The following PTPN4 variants were observed in gnomAD, a reference collection of about 807,000 sequenced individuals.
PTPN4 encodes the protein protein tyrosine phosphatase non-receptor type 4.
PTPN4 carries 49 observed loss-of-function variants against 135.5 expected under a neutral mutation model. The observed-to-expected ratio is 0.36, with a 90% confidence interval of 0.29 to 0.46. The LOEUF (loss-of-function observed/expected upper bound fraction) is 0.46. PTPN4 is among the 20% of genes least tolerant of loss of function. The pLI, the probability that PTPN4 is intolerant of heterozygous loss-of-function variation, is 1.00. For synonymous variants in PTPN4, 333 were observed against 369.9 expected (o/e 0.90, Z 1.14); for missense variants, 860 against 1,101.0 (o/e 0.78, Z 3.10).
At chr2:119,928,383 G>A (rs962687988) in intron 13 of PTPN4, among the ~76,000 whole-genome samples, 5 of 152,012 alleles carry the variant, frequency 3.3e-5, no homozygotes, top group Admixed American at 6.6e-5. Flanking sequence ...ACTATATGAG[G>A]AAATAATAGT....
chr2:119,832,759 T>C (rs1165811460), intron 2 of PTPN4, among the ~76,000 whole-genome samples: 1 of 152,142 alleles, frequency 6.6e-6, no homozygotes, highest in Non-Finnish European at 1.5e-5. Flanking sequence ...TTTACTGTGA[T>C]GCAAAATCAG....
intron 1 of PTPN4, among the ~76,000 whole-genome samples, chr2:119,807,283 C>G (rs1691490730): frequency 6.6e-6 from 1 of 152,100 alleles, no homozygotes; most frequent in African/African-American, 2.4e-5. Context: ...ATCAATGAAT[C>G]CAGAAGCTGG....
intron 2 of PTPN4, among the ~76,000 whole-genome samples, chr2:119,854,601 C>T (rs1677644813): frequency 6.6e-6 from 1 of 152,058 alleles, no homozygotes; most frequent in Non-Finnish European, 1.5e-5. Flanking sequence ...AATGGCCTGC[C>T]CATGCATGGT....
intron 22 of PTPN4, among the ~76,000 whole-genome samples, chr2:119,959,783 A>T (rs928435502): frequency 6.6e-6 from 1 of 152,190 alleles, no homozygotes; most frequent in East Asian, 1.9e-4. Context: ...TAAAGAGTGC[A>T]AATAGTCTTA....
rs182575918 is a variant in PTPN4 at position 119,898,749 on chromosome 2, A to G, written c.676-1969A>G. Among the ~76,000 whole-genome samples the G allele has an allele frequency of 2.0e-4, 31 of 152,332 alleles. No homozygotes were observed. The East Asian group carries it at 4.4e-3, about 22-fold the overall frequency. On this transcript the variant is annotated intron_variant, in intron 9 of 26. Coordinates refer to ENST00000263708, the MANE Select transcript of PTPN4 (RefSeq NM_002830.4). ...AATAACATTTGTGTCCCTGAAGGCT[A>G]TAATACTTGTTCTCTCGTTTTATCT...
intron 2 of PTPN4, among the ~76,000 whole-genome samples, chr2:119,813,797 G>A (rs1291715466): frequency 1.3e-5 from 2 of 152,052 alleles, no homozygotes; most frequent in African/African-American, 4.8e-5. Context: ...GCATCCTGTG[G>A]AGGTGTCCAT....
chr2:119,816,563 A>G (rs997494080), intron 2 of PTPN4, among the ~76,000 whole-genome samples: 30 of 152,158 alleles, frequency 2.0e-4, no homozygotes, highest in Admixed American at 2.0e-3. Context: ...AATTTCTGTT[A>G]TTACTGCATT....
At chr2:119,774,904 A>G (rs1204527791) in intron 1 of PTPN4, among the ~76,000 whole-genome samples, 1 of 151,986 alleles carries the variant, frequency 6.6e-6, no homozygotes, top group Non-Finnish European at 1.5e-5. Context: ...CTTTAATCCC[A>G]GCTACTCAGG....
chr2:119,878,813 G>A (rs1382996580), intron 5 of PTPN4, among the ~76,000 whole-genome samples: 1 of 151,556 alleles, frequency 6.6e-6, no homozygotes, highest in Non-Finnish European at 1.5e-5. Context: ...CTAAGTTGTG[G>A]CCGGGTGCAG....
intron 2 of PTPN4, among the ~76,000 whole-genome samples, chr2:119,813,201 C>A (rs1213007319): frequency 6.6e-6 from 1 of 152,050 alleles, no homozygotes; most frequent in Non-Finnish European, 1.5e-5. Flanking sequence ...CTATATATGA[C>A]CTCTTGATAT....
chr2:119,849,031 T>C (rs540754575), intron 2 of PTPN4, among the ~76,000 whole-genome samples: 63 of 152,356 alleles, frequency 4.1e-4, no homozygotes, highest in Non-Finnish European at 8.2e-4. Flanking sequence ...CAGGTATTTT[T>C]GTGAAAAACC....
At chr2:119,802,830 C>G (rs1253025808) in intron 1 of PTPN4, among the ~76,000 whole-genome samples, 1 of 151,980 alleles carries the variant, frequency 6.6e-6, no homozygotes, top group African/African-American at 2.4e-5. Context: ...CCCAGGAAAC[C>G]CTCTGTGTTT....
At chr2:119,772,431 T>C (rs1406089494) in intron 1 of PTPN4, among the ~76,000 whole-genome samples, 2 of 152,270 alleles carry the variant, frequency 1.3e-5, no homozygotes, top group Non-Finnish European at 1.5e-5. Context: ...CCCAAAAGTT[T>C]TGTTAACTAA....
chr2:119,780,645 G>A (rs542380315), intron 1 of PTPN4, among the ~76,000 whole-genome samples: 1 of 152,284 alleles, frequency 6.6e-6, no homozygotes, highest in East Asian at 1.9e-4. Flanking sequence ...TTTTTGGCAA[G>A]AACACTATAT....
chr2:119,843,541 G>A (rs1677416488), intron 2 of PTPN4, among the ~76,000 whole-genome samples: 1 of 117,582 alleles, frequency 8.5e-6, no homozygotes, highest in African/African-American at 3.5e-5. Flanking sequence ...GGGCAGAGGG[G>A]CTCCTCACTT....
chr2:119,765,470 G>A (rs1438107572), intron 1 of PTPN4, among the ~76,000 whole-genome samples: 2 of 152,100 alleles, frequency 1.3e-5, no homozygotes, highest in Non-Finnish European at 2.9e-5. Context: ...GGTTGTTCTT[G>A]TTTTGGGAAG....
In PTPN4 at chr2:119,772,787, C is replaced by T. The variant is rs541607291; in HGVS notation, c.-18+12403C>T. 3.9e-5 allele frequency among the ~76,000 whole-genome samples: 6 copies of T among 152,316 alleles called. No homozygotes were observed. The South Asian group carries it at 1.0e-3, about 26-fold the overall frequency. On this transcript the variant is annotated intron_variant, in intron 1 of 26. Transcript: ENST00000263708. ...CTCCTGACCTCAAGTGATCCACCTGCCTCGGCCTCCCAAAGAGCTGGGATT... is the reference window on the plus strand; with the variant it reads ...CTCCTGACCTCAAGTGATCCACCTGTCTCGGCCTCCCAAAGAGCTGGGATT...
chr2:119,884,695 G>C (rs1678130010), intron 8 of PTPN4, among the ~76,000 whole-genome samples: 1 of 152,030 alleles, frequency 6.6e-6, no homozygotes, highest in South Asian at 2.1e-4. Flanking sequence ...TATCTATTTG[G>C]TTTAAGTAAA....
chr2:119,959,006 T>C (rs538137130), intron 22 of PTPN4, among the ~76,000 whole-genome samples: 33 of 152,276 alleles, frequency 2.2e-4, no homozygotes, highest in South Asian at 1.2e-3. Context: ...AAAGGCCACT[T>C]GTTTACAGTA....
Sources: gnomAD v4.1 joint callset for allele counts (sites outside exome capture counted in the v4.1 genomes callset) on GRCh38, gnomAD v4.1.1 for gene constraint, MANE v1.5 for transcripts, NCBI Gene and HGNC (gene_info 2026-07-23, HGNC 2026-07-21) for gene names.